COL26A1: variants seen among roughly 807,000 people sequenced by gnomAD.
COL26A1 encodes collagen type XXVI alpha 1 chain, also known as collagen alpha-1(XXVI) chain.
COL26A1 carries 41 observed loss-of-function variants against 59.3 expected under a neutral mutation model. The ratio of observed to expected loss-of-function variants is 0.69; its 90% confidence interval spans 0.54 to 0.90. COL26A1 has a LOEUF of 0.90. COL26A1 is among the 40% of genes least tolerant of loss of function. The pLI is 0.00. For missense variants in COL26A1, 612 were observed against 602.3 expected (o/e 1.02, Z -0.17); for synonymous variants, 266 against 256.0 (o/e 1.04, Z -0.37).
At chr7:101,437,136 G>C (rs1792935734) in intron 2 of COL26A1, among the ~76,000 whole-genome samples, 1 of 152,218 alleles carries the variant, frequency 6.6e-6, no homozygotes, top group Non-Finnish European at 1.5e-5. Context: ...CGTGGAGAAG[G>C]ATGTCAGACA....
chr7:101,479,441 A>G (rs79130663), intron 3 of COL26A1, among the ~76,000 whole-genome samples: 13,148 of 152,228 alleles, frequency 0.086, 658 homozygotes, highest in Middle Eastern at 0.13. Flanking sequence ...CATTTTGGAG[A>G]TATTACACCA....
At chr7:101,525,171 CTTTTTTTTTTTTT>C (rs34881584) in intron 3 of COL26A1, among the ~76,000 whole-genome samples, 1 of 73,840 alleles carries the variant, frequency 1.4e-5, no homozygotes, top group African/African-American at 6.2e-5. Flanking sequence ...TGACTTCATT[CTTTTTTTTTTTTT>C]TTTTTTTTTT....
At chr7:101,409,791 C>T (rs147385780) in intron 1 of COL26A1, among the ~76,000 whole-genome samples, 37 of 152,160 alleles carry the variant, frequency 2.4e-4, no homozygotes, top group Middle Eastern at 3.4e-3. Flanking sequence ...GACGGAGTCT[C>T]GCTCTGTTGC....
chr7:101,478,281 C>T (rs1396672939), intron 3 of COL26A1, among the ~76,000 whole-genome samples: 1 of 152,178 alleles, frequency 6.6e-6, no homozygotes, highest in Non-Finnish European at 1.5e-5. Flanking sequence ...ACGCCCAGCT[C>T]ATTGATATCT....
rs549141457 is a variant in COL26A1 at position 101,425,723 on chromosome 7, G to A, written c.281+5624G>A. Among the ~76,000 whole-genome samples, 8 of 151,680 alleles carry A rather than the reference G, an allele frequency of 5.3e-5. No homozygotes were observed. In the East Asian group the frequency reaches 1.2e-3, roughly 22 times the overall value. ...TCACCATGTTGGCCATGTCGGTCTCGAACTCCTGAACTACCTCAAATGATC... is the reference window on the plus strand; with the variant it reads ...TCACCATGTTGGCCATGTCGGTCTCAAACTCCTGAACTACCTCAAATGATC... On this transcript the variant is annotated intron_variant, in intron 2 of 12. Coordinates refer to ENST00000313669, the MANE Select transcript of COL26A1 (RefSeq NM_001278563.3).
Position 101,553,381 on chromosome 7 carries a change from C to A in COL26A1, c.1080+5C>A. On this transcript the variant is annotated splice_donor_5th_base_variant and intron_variant, in intron 11 of 12. Transcript: ENST00000313669. ...GAGAAAGCCGCCACTGCAGAGGTAA[C>A]CATGGCTGCCCTTCACGTTCCCTCC... 6.2e-7 allele frequency: 1 copy of A among 1,613,418 alleles called. No individual in the cohort carries two copies. The highest frequency in any genetic ancestry group is 8.5e-7 in the Non-Finnish European group (1 of 1,179,590).
intron 3 of COL26A1, among the ~76,000 whole-genome samples, chr7:101,500,549 G>A (rs13242215): frequency 0.25 from 37,755 of 152,060 alleles, 7,100 homozygotes; most frequent in African/African-American, 0.53. Flanking sequence ...CGGGCGCGGT[G>A]CCTCATGTCT....
At chr7:101,448,086 T>C (rs948249353) in intron 3 of COL26A1, among the ~76,000 whole-genome samples, 1 of 152,214 alleles carries the variant, frequency 6.6e-6, no homozygotes. Flanking sequence ...AGCCGGTTTC[T>C]TCCACTTTTG....
At chr7:101,375,657 T>A (rs1791297549) in intron 1 of COL26A1, among the ~76,000 whole-genome samples, 1 of 149,720 alleles carries the variant, frequency 6.7e-6, no homozygotes, top group African/African-American at 2.5e-5. Context: ...CTGGGCAACA[T>A]AGCAAGACCC....
intron 7 of COL26A1, 77 bp from the exon 8 acceptor site, chr7:101,547,079 C>A: frequency 9.5e-7 from 1 of 1,048,348 alleles, no homozygotes; most frequent in Non-Finnish European, 1.4e-6. Flanking sequence ...TGGCTCAGGG[C>A]TCAGTGCCCC....
At chr7:101,464,616 G>A (rs1793711499) in intron 3 of COL26A1, among the ~76,000 whole-genome samples, 1 of 151,598 alleles carries the variant, frequency 6.6e-6, no homozygotes, top group Non-Finnish European at 1.5e-5. Flanking sequence ...TCTCCATGTT[G>A]GTCAGGCTGG....
chr7:101,385,086 C>G (rs1791533550), intron 1 of COL26A1, among the ~76,000 whole-genome samples: 1 of 151,916 alleles, frequency 6.6e-6, no homozygotes, highest in African/African-American at 2.4e-5. Flanking sequence ...ATGGTGCCCA[C>G]CCACATTGAG....
intron 1 of COL26A1, among the ~76,000 whole-genome samples, chr7:101,394,831 T>C (rs1202338134): frequency 6.6e-6 from 1 of 151,416 alleles, no homozygotes; most frequent in Non-Finnish European, 1.5e-5. Context: ...TGGCTGTTGC[T>C]GTAGATTTGT....
intron 3 of COL26A1, among the ~76,000 whole-genome samples, chr7:101,454,394 G>C (rs1044579004): frequency 3.3e-5 from 5 of 151,542 alleles, no homozygotes; most frequent in African/African-American, 1.2e-4. Context: ...AAGTAGCTGG[G>C]ATTACAGGTG....
chr7:101,402,120 A>C (rs1411786341), intron 1 of COL26A1, among the ~76,000 whole-genome samples: 1 of 152,164 alleles, frequency 6.6e-6, no homozygotes, highest in Non-Finnish European at 1.5e-5. Flanking sequence ...ATGCCAAGAC[A>C]GCAGTGTGTG....
At chr7:101,362,717 C>A (rs1790918276), upstream of COL26A1, 18 of 424,488 alleles carry the variant, frequency 4.2e-5, no homozygotes, top group South Asian at 5.4e-4. Context: ...GTGTTAGGCT[C>A]CAGGGACCTC....
rs140990921 is a variant in COL26A1, at chr7:101,378,856, C to G, written c.158+15666C>G. 4.1e-4 allele frequency among the ~76,000 whole-genome samples: 63 copies of G among 152,064 alleles called. No individual in the cohort carries two copies. The East Asian group carries it at 0.01, about 24-fold the overall frequency. Reference sequence around the variant, plus strand: ...GTCCCCTGCTTGGAGTCTTTATGATCGGCTCAGACTTTTCTTTTCCCCGGG... The same window carrying G: ...GTCCCCTGCTTGGAGTCTTTATGATGGGCTCAGACTTTTCTTTTCCCCGGG... On this transcript the variant is annotated intron_variant, in intron 1 of 12. Coordinates refer to ENST00000313669, the MANE Select transcript of COL26A1 (RefSeq NM_001278563.3).
At chr7:101,405,719 C>T (rs1314672063) in intron 1 of COL26A1, among the ~76,000 whole-genome samples, 1 of 152,202 alleles carries the variant, frequency 6.6e-6, no homozygotes, top group African/African-American at 2.4e-5. Flanking sequence ...CCCTCTGGCC[C>T]TCCTATTAAT....
chr7:101,408,553 G>T (rs778091837), intron 1 of COL26A1, among the ~76,000 whole-genome samples: 1 of 152,186 alleles, frequency 6.6e-6, no homozygotes, highest in Non-Finnish European at 1.5e-5. Context: ...ACAAGGGCTG[G>T]TGGGCATGGA....
Sources: allele counts gnomAD v4.1 joint callset (sites outside exome capture counted in the v4.1 genomes callset), GRCh38; gene constraint gnomAD v4.1.1; transcripts MANE v1.5; gene names NCBI Gene and HGNC (gene_info 2026-07-23, HGNC 2026-07-21).